The following FAT3 variants were observed in gnomAD, a reference collection of about 807,000 sequenced individuals.
The protein encoded by FAT3 is protocadherin Fat 3.
Under a neutral mutation model 310.2 loss-of-function variants are expected in FAT3, and 95 were observed. The ratio of observed to expected loss-of-function variants is 0.31; its 90% confidence interval spans 0.26 to 0.36. The LOEUF is 0.36. Ranked by LOEUF, FAT3 falls within the 10% of genes least tolerant of loss-of-function variation. The pLI is 1.00. For missense variants in FAT3, 5,408 were observed against 5,715.6 expected, an observed-to-expected ratio of 0.95 and a Z score of 1.74; for synonymous variants, 2,314 against 2,192.9, an observed-to-expected ratio of 1.06 and a Z score of -1.54.
intron 1 of FAT3, among the ~76,000 whole-genome samples, chr11:92,280,849 A>C (rs980587964): frequency 1.1e-4 from 17 of 152,246 alleles, no homozygotes; most frequent in Non-Finnish European, 1.9e-4. Flanking sequence ...TCGTACATAC[A>C]ATTTCTTGTG....
chr11:92,382,875 GC>G (rs1949530766), intron 2 of FAT3, among the ~76,000 whole-genome samples: 1 of 152,050 alleles, frequency 6.6e-6, no homozygotes, highest in East Asian at 1.9e-4. Context: ...TGTGGGATGT[GC>G]AGGTTTGTTA....
At chr11:92,419,184 C>T (rs142022319) in intron 2 of FAT3, among the ~76,000 whole-genome samples, 3 of 152,192 alleles carry the variant, frequency 2.0e-5, no homozygotes, top group African/African-American at 7.2e-5. Flanking sequence ...ACTATGTGAC[C>T]TCTGGATTTT....
chr11:92,597,458 A>G (rs1453784623), intron 3 of FAT3, among the ~76,000 whole-genome samples: 1 of 152,156 alleles, frequency 6.6e-6, no homozygotes, highest in Non-Finnish European at 1.5e-5. Context: ...GCCAAGCTCT[A>G]CCATGTGCAT....
chr11:92,859,044 C>A, intron 20 of FAT3, 121 bp from the exon 21 acceptor site: 1 of 837,982 alleles, frequency 1.2e-6, no homozygotes, highest in Non-Finnish European at 1.7e-6. Flanking sequence ...TCATTGCCTT[C>A]ATTAACTTCT....
At chr11:92,666,022 TAAAG>T (rs1046058633) in intron 3 of FAT3, among the ~76,000 whole-genome samples, 2 of 152,140 alleles carry the variant, frequency 1.3e-5, no homozygotes, top group Admixed American at 1.3e-4. Flanking sequence ...TTTTTTTAAA[TAAAG>T]GCAAAAATAA....
At chr11:92,508,084 A>G (rs1363386211) in intron 2 of FAT3, among the ~76,000 whole-genome samples, 1 of 152,156 alleles carries the variant, frequency 6.6e-6, no homozygotes, top group Non-Finnish European at 1.5e-5. Context: ...AAGTCACACA[A>G]CATACATAGT....
chr11:92,567,599 C>T (rs996897590), intron 3 of FAT3, among the ~76,000 whole-genome samples: 38 of 151,748 alleles, frequency 2.5e-4, no homozygotes, highest in South Asian at 1.9e-3. Flanking sequence ...ATGTTTATTG[C>T]GGCACTATTC....
At chr11:92,475,335 C>T (rs1242665137) in intron 2 of FAT3, among the ~76,000 whole-genome samples, 1 of 152,150 alleles carries the variant, frequency 6.6e-6, no homozygotes, top group African/African-American at 2.4e-5. Context: ...TAATGATCTG[C>T]TGACCATTTT....
rs140704029 is a variant in FAT3, at chr11:92,355,103, G to A, written c.2991G>A (p.Glu997=). 1.2e-6 allele frequency: 2 copies of A among 1,613,758 alleles called. No individual in the cohort carries two copies. Among genetic ancestry groups the A allele is most frequent in the African/African-American group, 1.3e-5 (1 of 75,014 alleles). ...KASGAIRLSK[E]LDYEKQQFYN... is the part of the protein sequence containing the mutation. ...GTGGTGCCATCCGCTTGAGCAAAGA[G>A]CTTGATTATGAGAAACAGCAGTTCT... The change falls in exon 2 of 28, where the codon GAG becomes GAA. Residue 997 remains glutamate (E), a synonymous_variant. Coordinates refer to ENST00000525166, the MANE Select transcript of FAT3 (RefSeq NM_001367949.2).
intron 1 of FAT3, among the ~76,000 whole-genome samples, chr11:92,277,961 G>A (rs1272136434): frequency 6.6e-6 from 1 of 151,932 alleles, no homozygotes; most frequent in Non-Finnish European, 1.5e-5. Flanking sequence ...GCACAAGCCT[G>A]TATTCCCAGC....
chr11:92,419,111 G>A (rs1291038487), intron 2 of FAT3, among the ~76,000 whole-genome samples: 2 of 152,114 alleles, frequency 1.3e-5, no homozygotes, highest in East Asian at 1.9e-4. Flanking sequence ...CAGGCTCCTT[G>A]TTCTCCTACC....
At chr11:92,227,710 A>T (rs1188997069) in intron 1 of FAT3, among the ~76,000 whole-genome samples, 1 of 151,650 alleles carries the variant, frequency 6.6e-6, no homozygotes, top group Non-Finnish European at 1.5e-5. Context: ...AATCCTAGAA[A>T]TTGCACAAAG....
chr11:92,622,596 T>C (rs60742399), intron 3 of FAT3, among the ~76,000 whole-genome samples: 4,211 of 152,222 alleles, frequency 0.028, 214 homozygotes, highest in African/African-American at 0.096. Flanking sequence ...ACAAGATTGC[T>C]ATGTATATTT....
rs567881185 is a variant in FAT3 at position 92,722,531 on chromosome 11, A to G, written c.3669+25086A>G. Among the ~76,000 whole-genome samples the G allele has an allele frequency of 2.6e-3, 392 of 152,288 alleles. 2 individuals are homozygous for G. Among genetic ancestry groups the G allele is most frequent in the Non-Finnish European group, 4.6e-3 (312 of 68,032 alleles). On this transcript the variant is annotated intron_variant, in intron 4 of 27. Coordinates refer to ENST00000525166, the MANE Select transcript of FAT3 (RefSeq NM_001367949.2). ...GTGGATCTACCATTCTGGGGCCTGG[A>G]GAACAGTGGCCCTCTTCTCACAGCT...
At chr11:92,824,135 T>A (rs1351399155) in intron 13 of FAT3, among the ~76,000 whole-genome samples, 1 of 152,134 alleles carries the variant, frequency 6.6e-6, no homozygotes, top group Non-Finnish European at 1.5e-5. Context: ...GGTGGGTGGA[T>A]CACCTGAGGT....
chr11:92,454,907 A>T (rs896008231), intron 2 of FAT3, among the ~76,000 whole-genome samples: 1 of 152,164 alleles, frequency 6.6e-6, no homozygotes, highest in African/African-American at 2.4e-5. Flanking sequence ...AATTCCATGA[A>T]TAGCCTCATT....
chr11:92,520,263 T>C (rs192268158), intron 2 of FAT3, among the ~76,000 whole-genome samples: 1 of 152,244 alleles, frequency 6.6e-6, no homozygotes, highest in East Asian at 1.9e-4. Context: ...TTATTTAAGT[T>C]CTATAAAATT....
rs367572381 is a variant in FAT3 at position 92,800,800 on chromosome 11, A to G, written c.7787A>G (p.Asn2596Ser). Residue 2596 changes from asparagine to serine, a missense_variant, in exon 10 of 28, where the codon AAT (asparagine) becomes AGT (serine). Physicochemically the swap from Asn to Ser is conservative, Grantham distance 46. Around this residue, in one of 5 missense-constraint regions of FAT3, gnomAD observed 4,588 missense variants for 4,809.8 expected, o/e 0.95. Transcript: ENST00000525166. ...VRVIVVDEND[N>S]APQFMTVEYR... is the part of the protein sequence containing the mutation. ...GTGATTGTTGTGGATGAAAATGACA[A>G]TGCTCCCCAGTTCATGACAGTGGAA... 22 of 1,613,800 alleles carry G rather than the reference A, an allele frequency of 1.4e-5. No individual in the cohort carries two copies. The highest frequency in any genetic ancestry group is 1.8e-5 in the Non-Finnish European group (21 of 1,179,840).
chr11:92,602,077 A>AT (rs113205477), intron 3 of FAT3, among the ~76,000 whole-genome samples: 7,395 of 145,952 alleles, frequency 0.051, 563 homozygotes, highest in African/African-American at 0.17. Context: ...ACCTTAATTA[A>AT]TTTTTTTTTT....
Sources: allele counts gnomAD v4.1 joint callset (sites outside exome capture counted in the v4.1 genomes callset), GRCh38; gene constraint gnomAD v4.1.1; regional missense constraint gnomAD v4.1.1; transcripts MANE v1.5; gene names NCBI Gene and HGNC (gene_info 2026-07-23, HGNC 2026-07-21).